AIG1: variants seen among roughly 807,000 people sequenced by gnomAD.
AIG1 encodes the protein androgen induced 1.
A neutral mutation model predicts 31.4 loss-of-function variants in AIG1; 23 were observed. The ratio of observed to expected loss-of-function variants is 0.73; its 90% CI spans 0.53 to 1.04. The LOEUF (loss-of-function observed/expected upper bound fraction) is 1.04, where lower values mean the gene tolerates loss of function less well. Among genes scored for constraint, AIG1 ranks in the 50% least tolerant of loss-of-function variants. The pLI is 0.00. For synonymous variants in AIG1, 100 were observed against 110.5 expected, an observed-to-expected ratio of 0.90 and a Z score of 0.60; for missense variants, 274 against 295.0, an observed-to-expected ratio of 0.93 and a Z score of 0.52.
intron 3 of AIG1, among the ~76,000 whole-genome samples, chr6:143,203,515 C>T (rs1790862247): frequency 1.3e-5 from 2 of 152,158 alleles, no homozygotes; most frequent in South Asian, 4.1e-4. Flanking sequence ...AAGATATATT[C>T]ACCTCTCTCC....
intron 1 of AIG1, among the ~76,000 whole-genome samples, chr6:143,087,595 C>T (rs992960812): frequency 9.9e-5 from 15 of 152,106 alleles, no homozygotes; most frequent in African/African-American, 2.4e-4. Context: ...GGACAGCGAG[C>T]GAAAGCTCAG....
intron 1 of AIG1, among the ~76,000 whole-genome samples, chr6:143,104,392 A>G (rs1387468485): frequency 6.6e-6 from 1 of 152,214 alleles, no homozygotes; most frequent in Non-Finnish European, 1.5e-5. Context: ...GCTATAGTGA[A>G]GGGATTCCTT....
intron 4 of AIG1, among the ~76,000 whole-genome samples, chr6:143,323,745 C>A (rs1583872252): frequency 1.3e-5 from 2 of 152,106 alleles, no homozygotes; most frequent in African/African-American, 4.8e-5. Flanking sequence ...GCCACGCAAT[C>A]CCCACTGCTG....
chr6:143,292,012 A>G lies in AIG1; in HGVS notation c.515+7787A>G, dbSNP rs1798094333. ...AGGCTATAGAAGAAATCCTGATAAGAGATGAAGTGGCCTGGACCCTGGTGG... is the reference window on the plus strand; with the variant it reads ...AGGCTATAGAAGAAATCCTGATAAGGGATGAAGTGGCCTGGACCCTGGTGG... On this transcript the variant is annotated intron_variant, in intron 4 of 5. Coordinates refer to ENST00000357847, the MANE Select transcript of AIG1 (RefSeq NM_016108.4). The surrounding 1 kb of genome is among the most constrained non-coding windows in gnomAD (Gnocchi z 4.9). 6.6e-6 allele frequency among the ~76,000 whole-genome samples: 1 copy of G among 152,186 alleles called. No homozygotes were observed. The highest frequency in any genetic ancestry group is 2.4e-5 in the African/African-American group (1 of 41,450).
At chr6:143,317,882 A>G (rs997323026) in intron 4 of AIG1, among the ~76,000 whole-genome samples, 21 of 152,120 alleles carry the variant, frequency 1.4e-4, no homozygotes, top group African/African-American at 4.8e-4. Context: ...CAAGAACTCA[A>G]CCCATTTTAC....
chr6:143,327,581 C>G lies in AIG1; in HGVS notation c.516-5701C>G, dbSNP rs577747853. 5.7e-5 allele frequency: 21 copies of G among 368,412 alleles called. No homozygotes were observed. Among genetic ancestry groups the G allele is most frequent in the Non-Finnish European group, 9.2e-5 (18 of 194,928 alleles). 22.8% of individuals were successfully genotyped at this position (368,412 alleles called of 1,614,324 possible). On this transcript the variant is annotated intron_variant, in intron 4 of 5. Transcript: ENST00000357847. This position sits in a 1 kb window ranked among gnomAD's most constrained non-coding sequence, Gnocchi z 5.3. ...TGAGGATGAAGATTCACCAAATAAG[C>G]TCTATACTTCAGTTACCTATGTACC...
At chr6:143,192,827 A>T (rs1789912468) in intron 3 of AIG1, among the ~76,000 whole-genome samples, 3 of 152,338 alleles carry the variant, frequency 2.0e-5, no homozygotes, top group Admixed American at 2.0e-4. Context: ...ATGAACATTC[A>T]AGTCCAAACA....
intron 1 of AIG1, among the ~76,000 whole-genome samples, chr6:143,117,239 G>A (rs954860495): frequency 7.2e-5 from 11 of 152,078 alleles, no homozygotes; most frequent in Admixed American, 3.9e-4. Flanking sequence ...AAGTGGCAGT[G>A]GCAGGAGGCA....
chr6:143,103,999 G>A (rs1780577023), intron 1 of AIG1, among the ~76,000 whole-genome samples: 1 of 152,156 alleles, frequency 6.6e-6, no homozygotes, highest in Non-Finnish European at 1.5e-5. Flanking sequence ...TGCTGTTGCT[G>A]CTGGTGGTGA....
chr6:143,339,474 G>T, intron 5 of AIG1, 165 bp from the exon 6 acceptor site: 1 of 594,094 alleles, frequency 1.7e-6, no homozygotes. Context: ...AGTTGTGCAT[G>T]GCTTTCCTTC....
chr6:143,074,638 A>C (rs1777576152), intron 1 of AIG1, among the ~76,000 whole-genome samples: 3 of 152,166 alleles, frequency 2.0e-5, no homozygotes, highest in Admixed American at 2.0e-4. Context: ...TGATTACCAT[A>C]GCTTTGTAGT....
rs1777820038 is a variant in AIG1, at chr6:143,340,608, C to T, written c.*932C>T. 6.6e-6 allele frequency among the ~76,000 whole-genome samples: 1 copy of T among 152,030 alleles called. No homozygotes were observed. Among genetic ancestry groups the T allele is most frequent in the Admixed American group, 6.6e-5 (1 of 15,258 alleles). On this transcript the variant is annotated 3_prime_UTR_variant, in exon 6 of 6. Transcript: ENST00000357847. ...CCTCCCGAGTAGCTGGGACTACAGGCGCCTGCCACACGCCCGGCTTATTTT... is the reference window on the plus strand; with the variant it reads ...CCTCCCGAGTAGCTGGGACTACAGGTGCCTGCCACACGCCCGGCTTATTTT...
intron 3 of AIG1, among the ~76,000 whole-genome samples, chr6:143,182,344 TTAGTGCCTGGTA>T (rs1268719348): frequency 2.0e-5 from 3 of 152,288 alleles, no homozygotes; most frequent in South Asian, 2.1e-4. Context: ...TTTTTTCTCT[TTAGTGCCTGGTA>T]TAGTGCCTGG....
intron 2 of AIG1, among the ~76,000 whole-genome samples, chr6:143,143,788 A>G (rs987050610): frequency 1.3e-5 from 2 of 151,920 alleles, no homozygotes; most frequent in Non-Finnish European, 2.9e-5. Flanking sequence ...CTGCACTGAA[A>G]TAAGAAATGT....
chr6:143,247,425 C>CTTAGGGGGACTTGATCATA (rs1794696002), intron 3 of AIG1, among the ~76,000 whole-genome samples: 1 of 152,250 alleles, frequency 6.6e-6, no homozygotes, highest in Admixed American at 6.5e-5. Flanking sequence ...GACTTGATCA[C>CTTAGGGGGACTTGATCATA]ATACTTCCCA....
chr6:143,243,610 T>C (rs989215040), intron 3 of AIG1, among the ~76,000 whole-genome samples: 1 of 152,226 alleles, frequency 6.6e-6, no homozygotes, highest in Non-Finnish European at 1.5e-5. Context: ...CCAAATTAAC[T>C]TGTACATTTT....
At chr6:143,223,143 TAGCAGACCCACTGGTGTGCTG>T (rs1001032621) in intron 3 of AIG1, among the ~76,000 whole-genome samples, 3 of 152,192 alleles carry the variant, frequency 2.0e-5, no homozygotes, top group Non-Finnish European at 4.4e-5. Flanking sequence ...AGCCTCTGTC[TAGCAGACCCACTGGTGTGCTG>T]AGCAGTGATT....
chr6:143,094,549 T>G (rs1779584728), intron 1 of AIG1, among the ~76,000 whole-genome samples: 1 of 151,998 alleles, frequency 6.6e-6, no homozygotes, highest in African/African-American at 2.4e-5. Context: ...AGAGCTGAGG[T>G]TTGTTGCATG....
chr6:143,171,495 A>AATATATATTTAATATATATAAT (rs1562454404), intron 3 of AIG1, among the ~76,000 whole-genome samples: 65 of 121,948 alleles, frequency 5.3e-4, no homozygotes, highest in African/African-American at 2.0e-3. Flanking sequence ...TTAAATATAT[A>AATATATATTTAATATATATAAT]ATATATATTT....
Sources: allele counts gnomAD v4.1 joint callset (sites outside exome capture counted in the v4.1 genomes callset), GRCh38; gene constraint gnomAD v4.1.1; non-coding constraint Gnocchi (gnomAD v3.1); transcripts MANE v1.5; gene names NCBI Gene and HGNC (gene_info 2026-07-23, HGNC 2026-07-21).